UNC79: variants seen among roughly 807,000 people sequenced by gnomAD.
The protein encoded by UNC79 is unc-79 subunit of NALCN channel complex.
In UNC79, 37 loss-of-function variants were observed where a neutral mutation model predicts 283.1. That is an observed-to-expected ratio of 0.13 (90% CI 0.10 to 0.17). The LOEUF is 0.17. Among genes scored for constraint, UNC79 ranks in the 10% least tolerant of loss-of-function variants. The pLI, the probability that UNC79 is intolerant of heterozygous loss-of-function variation, is 1.00. For synonymous variants in UNC79, 1,107 were observed against 1,200.2 expected, an observed-to-expected ratio of 0.92 and a Z score of 1.61; for missense variants, 2,272 against 3,211.1, an observed-to-expected ratio of 0.71 and a Z score of 7.07.
intron 1 of UNC79, among the ~76,000 whole-genome samples, chr14:93,415,526 T>C (rs1377419367): frequency 6.6e-6 from 1 of 151,984 alleles, no homozygotes; most frequent in Non-Finnish European, 1.5e-5. Flanking sequence ...AGGATGATGC[T>C]GGCCTCATAA....
chr14:93,590,861 G>C (rs1009129840), intron 22 of UNC79, among the ~76,000 whole-genome samples: 1 of 152,200 alleles, frequency 6.6e-6, no homozygotes, highest in African/African-American at 2.4e-5. Context: ...TTCCATGAAG[G>C]CACAAATTAT....
At chr14:93,457,042 T>C (rs2056815364) in intron 1 of UNC79, among the ~76,000 whole-genome samples, 1 of 152,154 alleles carries the variant, frequency 6.6e-6, no homozygotes, top group Admixed American at 6.5e-5. Context: ...CTATGAGTAG[T>C]AGGAAGAGGA....
intron 40 of UNC79, among the ~76,000 whole-genome samples, chr14:93,671,951 C>A (rs540545244): frequency 6.6e-6 from 1 of 152,086 alleles, no homozygotes; most frequent in African/African-American, 2.4e-5. Context: ...TATCTCTAAT[C>A]ATCAGGGAAA....
At chr14:93,618,502 T>A in intron 29 of UNC79, 148 bp downstream of exon 30, 2 of 922,328 alleles carry the variant, frequency 2.2e-6, no homozygotes, top group Non-Finnish European at 3.0e-6. Flanking sequence ...TTTCCATGAA[T>A]GTTGCTGCTT....
intron 47 of UNC79, among the ~76,000 whole-genome samples, chr14:93,695,990 A>G (rs2075094729): frequency 6.6e-6 from 1 of 151,642 alleles, no homozygotes; most frequent in Admixed American, 6.6e-5. Flanking sequence ...CTGTCCCCAG[A>G]TGACTACTGA....
At chr14:93,623,275 C>T (rs1057051999) in intron 30 of UNC79, among the ~76,000 whole-genome samples, 3 of 152,114 alleles carry the variant, frequency 2.0e-5, no homozygotes, top group Admixed American at 2.0e-4. Flanking sequence ...AAGCAGAGTG[C>T]CCTAGAATGA....
At chr14:93,418,503 T>A (rs1337365178) in intron 1 of UNC79, among the ~76,000 whole-genome samples, 1 of 151,718 alleles carries the variant, frequency 6.6e-6, no homozygotes, top group Admixed American at 6.6e-5. Flanking sequence ...AGTCTGCCCG[T>A]TCTCAGATCT....
chr14:93,552,906 G>C (rs1310844421), intron 14 of UNC79, among the ~76,000 whole-genome samples: 2 of 152,164 alleles, frequency 1.3e-5, no homozygotes, highest in African/African-American at 4.8e-5. Flanking sequence ...CCATAGGTCA[G>C]GAACCCTGTA....
intron 1 of UNC79, among the ~76,000 whole-genome samples, chr14:93,355,947 C>T (rs982847607): frequency 1.3e-5 from 2 of 152,092 alleles, no homozygotes; most frequent in Non-Finnish European, 2.9e-5. Context: ...GATAACCTGC[C>T]CATCTCCTGT....
At chr14:93,623,089 AC>A (rs2067260941) in intron 30 of UNC79, among the ~76,000 whole-genome samples, 1 of 152,174 alleles carries the variant, frequency 6.6e-6, no homozygotes, top group Non-Finnish European at 1.5e-5. Context: ...ATTCTTGACC[AC>A]CCTTGGCAAT....
At chr14:93,431,705 C>T (rs945224240) in intron 1 of UNC79, among the ~76,000 whole-genome samples, 8 of 152,232 alleles carry the variant, frequency 5.3e-5, no homozygotes, top group African/African-American at 1.9e-4. Flanking sequence ...TTCCAAAGAG[C>T]AGGCTTCCTT....
chr14:93,400,736 G>T (rs1333590879), intron 1 of UNC79, among the ~76,000 whole-genome samples: 1 of 152,148 alleles, frequency 6.6e-6, no homozygotes, highest in Non-Finnish European at 1.5e-5. Flanking sequence ...ATGAAGAAAA[G>T]CTGAGAGTGG....
chr14:93,646,785 G>A (rs914548226), intron 35 of UNC79, 139 bp downstream of exon 38: 58 of 824,010 alleles, frequency 7.0e-5, no homozygotes, highest in African/African-American at 1.0e-4. Flanking sequence ...CAGGGTGGGA[G>A]GATCACTCGA....
chr14:93,350,796 C>T (rs919699065), intron 1 of UNC79, among the ~76,000 whole-genome samples: 1 of 152,198 alleles, frequency 6.6e-6, no homozygotes, highest in Non-Finnish European at 1.5e-5. Context: ...GATGACAACT[C>T]TCTTCCTCAG....
At chr14:93,654,136 G>A (rs2070639244) in intron 37 of UNC79, 111 bp downstream of exon 40, 1 of 693,322 alleles carries the variant, frequency 1.4e-6, no homozygotes, top group Non-Finnish European at 2.3e-6. Flanking sequence ...AGGAAGGATT[G>A]CAATGTTATT....
chr14:93,513,589 C>T (rs183256290), intron 7 of UNC79, among the ~76,000 whole-genome samples: 6 of 152,230 alleles, frequency 3.9e-5, no homozygotes, highest in Non-Finnish European at 2.9e-5. Context: ...TTGTTACCTG[C>T]ACAGACTGTG....
chr14:93,344,840 A>G (rs2053790637), intron 1 of UNC79, among the ~76,000 whole-genome samples: 1 of 152,220 alleles, frequency 6.6e-6, no homozygotes, highest in South Asian at 2.1e-4. Context: ...GGAGGTGGCC[A>G]GCCATGGTTC....
intron 39 of UNC79, among the ~76,000 whole-genome samples, chr14:93,661,586 A>C (rs2071604797): frequency 1.3e-5 from 2 of 152,278 alleles, no homozygotes; most frequent in South Asian, 4.1e-4. Context: ...TTTGAATTCT[A>C]CCTGATACCT....
At chr14:93,351,040 G>A (rs371519719) in intron 1 of UNC79, among the ~76,000 whole-genome samples, 1 of 151,896 alleles carries the variant, frequency 6.6e-6, no homozygotes, top group Non-Finnish European at 1.5e-5. Context: ...CAGACTCTGT[G>A]TCTGATTAAA....
Sources: gnomAD v4.1 joint callset for allele counts (sites outside exome capture counted in the v4.1 genomes callset) on GRCh38, gnomAD v4.1.1 for gene constraint, MANE v1.5 for transcripts, NCBI Gene and HGNC (gene_info 2026-07-23, HGNC 2026-07-21) for gene names.